Variants in GRIP1 observed in about 807,000 individuals in gnomAD.
The protein encoded by GRIP1 is glutamate receptor-interacting protein 1.
A neutral mutation model predicts 129.9 loss-of-function variants in GRIP1; 45 were observed. The observed-to-expected ratio is 0.35, with a 90% confidence interval of 0.27 to 0.44. The LOEUF is 0.44. Among genes scored for constraint, GRIP1 ranks in the 20% least tolerant of loss-of-function variants. The pLI, the probability that GRIP1 is intolerant of heterozygous loss-of-function variation, is 1.00. For missense variants in GRIP1, 1,196 were observed against 1,396.8 expected (o/e 0.86, Z 2.29); for synonymous variants, 530 against 520.8 (o/e 1.02, Z -0.24).
chr12:66,377,638 C>CTTTTTTTTTTTTTTTTTTT (rs3045282), intron 20 of GRIP1, among the ~76,000 whole-genome samples: 1 of 124,594 alleles, frequency 8.0e-6, no homozygotes, highest in African/African-American at 3.1e-5. Context: ...CGCACCCGGC[C>CTTTTTTTTTTTTTTTTTTT]TTTTTTTTTT....
chr12:66,447,022 A>G (rs528324737), intron 11 of GRIP1, among the ~76,000 whole-genome samples: 2 of 152,144 alleles, frequency 1.3e-5, no homozygotes, highest in Non-Finnish European at 2.9e-5. Flanking sequence ...TCCCCCTTAA[A>G]ATGAAAACAT....
chr12:66,361,606 G>T (rs1486698606), intron 23 of GRIP1, among the ~76,000 whole-genome samples: 1 of 152,156 alleles, frequency 6.6e-6, no homozygotes, highest in Admixed American at 6.5e-5. Context: ...CCTAGTTATT[G>T]CCAGCTCCAT....
At chr12:66,800,624 A>G (rs1046460635) in intron 1 of GRIP1, among the ~76,000 whole-genome samples, 12 of 152,194 alleles carry the variant, frequency 7.9e-5, no homozygotes, top group African/African-American at 2.9e-4. Flanking sequence ...TGTATGACAC[A>G]TGAATTAACA....
intron 7 of GRIP1, among the ~76,000 whole-genome samples, chr12:66,469,001 A>G (rs567617273): frequency 6.6e-6 from 1 of 152,344 alleles, no homozygotes; most frequent in South Asian, 2.1e-4. Flanking sequence ...GGGGATGCAA[A>G]TATGCAATTA....
intron 1 of GRIP1, among the ~76,000 whole-genome samples, chr12:66,912,543 T>C (rs1007218372): frequency 6.6e-6 from 1 of 152,152 alleles, no homozygotes; most frequent in African/African-American, 2.4e-5. Context: ...AAATACTTTT[T>C]AAGGGAAAAA....
intron 1 of GRIP1, among the ~76,000 whole-genome samples, chr12:66,798,547 C>T (rs564525009): frequency 1.3e-5 from 2 of 152,286 alleles, no homozygotes; most frequent in East Asian, 3.9e-4. Flanking sequence ...TAAATGAAAG[C>T]TGGATGTCCA....
chr12:66,429,958 C>T (rs1240292840), intron 14 of GRIP1, among the ~76,000 whole-genome samples: 1 of 152,166 alleles, frequency 6.6e-6, no homozygotes, highest in Non-Finnish European at 1.5e-5. Context: ...TGCTCTTAAT[C>T]ATTTTCTAAG....
Position 66,474,503 on chromosome 12 carries a change from A to C in GRIP1, c.725-9081T>G, listed in dbSNP as rs997143313. ...TGCCCCAAAGATACCCCTTGAGAAG[A>C]GCAACTCCAAGACACATAATTGTCA... On this transcript the variant is annotated intron_variant, in intron 7 of 24. Transcript: ENST00000359742. 5.5e-4 allele frequency among the ~76,000 whole-genome samples: 84 copies of C among 152,162 alleles called. 1 individual carries two copies. The highest frequency in any genetic ancestry group is 2.0e-3 in the African/African-American group (83 of 41,448).
At chr12:66,549,185 C>T (rs1324698213) in intron 2 of GRIP1, among the ~76,000 whole-genome samples, 15 of 152,120 alleles carry the variant, frequency 9.9e-5, no homozygotes, top group African/African-American at 3.1e-4. Flanking sequence ...CACAGGTCCT[C>T]CCTGGTAACT....
intron 11 of GRIP1, among the ~76,000 whole-genome samples, chr12:66,451,335 T>TA (rs1167356383): frequency 1.4e-5 from 2 of 141,450 alleles, no homozygotes; most frequent in Non-Finnish European, 3.0e-5. Flanking sequence ...GAGAAGCATT[T>TA]AAAAAATATA....
At chr12:66,787,163 T>A (rs1355874779) in intron 1 of GRIP1, among the ~76,000 whole-genome samples, 1 of 152,158 alleles carries the variant, frequency 6.6e-6, no homozygotes, top group African/African-American at 2.4e-5. Context: ...TTTCTGTAAG[T>A]CAACACAGTA....
At chr12:66,644,444 TCTC>T (rs2032193086) in intron 1 of GRIP1, among the ~76,000 whole-genome samples, 1 of 152,176 alleles carries the variant, frequency 6.6e-6, no homozygotes, top group South Asian at 2.1e-4. Context: ...CACAGCCTCT[TCTC>T]TGTGGATTCA....
intron 1 of GRIP1, among the ~76,000 whole-genome samples, chr12:66,853,182 C>T (rs570842799): frequency 6.6e-6 from 1 of 151,604 alleles, no homozygotes; most frequent in South Asian, 2.1e-4. Flanking sequence ...ATATGAACAC[C>T]AGGAAACGGA....
chr12:66,691,394 G>A (rs2034977582), intron 1 of GRIP1, among the ~76,000 whole-genome samples: 1 of 152,122 alleles, frequency 6.6e-6, no homozygotes, highest in South Asian at 2.1e-4. Flanking sequence ...ATAAAGCAAA[G>A]GGAAAAGTCT....
At chr12:66,632,560 A>T (rs1263189271) in intron 1 of GRIP1, among the ~76,000 whole-genome samples, 1 of 152,142 alleles carries the variant, frequency 6.6e-6, no homozygotes, top group Non-Finnish European at 1.5e-5. Flanking sequence ...ACCAAATTCC[A>T]TTCTAATGAA....
rs1565987997 is a variant in GRIP1 at position 66,723,288 on chromosome 12, CTTT to C, written c.-420+80762_-420+80764del. Among the ~76,000 whole-genome samples, 130 of 18,562 alleles carry C rather than the reference CTTT, an allele frequency of 7.0e-3. 3 individuals carry two copies. The highest frequency in any genetic ancestry group is 0.011 in the Admixed American group (12 of 1,084). The allele number at this position is 18,562 out of a possible 152,430, so 12.2% of individuals were successfully genotyped here. A position where few individuals can be genotyped will look rare whatever the true frequency, so the allele number is the denominator to read the frequency against. ...CCTTCCTTCCTTCCTTCCTTCCTTT[CTTT>C]CTTTCTTTCTTTCTTTTTTTTTTTT... On this transcript the variant is annotated intron_variant, in intron 1 of 4. Coordinates refer to the GRIP1 transcript ENST00000538373.
At chr12:66,491,787 T>C (rs1369253372) in intron 7 of GRIP1, among the ~76,000 whole-genome samples, 1 of 152,212 alleles carries the variant, frequency 6.6e-6, no homozygotes, top group Non-Finnish European at 1.5e-5. Context: ...AATGGAAAGA[T>C]GAAAATACTT....
rs145033963 is a variant in GRIP1, at chr12:66,937,059, T to C, written c.58+131991A>G. Among the ~76,000 whole-genome samples, 460 of 152,322 alleles carry C rather than the reference T, an allele frequency of 3.0e-3. 1 individual carries two copies. Among genetic ancestry groups the C allele is most frequent in the African/African-American group, 0.01 (426 of 41,572 alleles). On this transcript the variant is annotated intron_variant, in intron 1 of 1. Coordinates refer to the GRIP1 transcript ENST00000643019. ...ATCACTTTTTTCTCTGGACGATTTTTCTCTGTTGGCTTCTCATATTAGCAA... is the reference window on the plus strand; with the variant it reads ...ATCACTTTTTTCTCTGGACGATTTTCCTCTGTTGGCTTCTCATATTAGCAA...
chr12:66,632,996 C>T (rs1252320514), intron 1 of GRIP1, among the ~76,000 whole-genome samples: 3 of 151,856 alleles, frequency 2.0e-5, no homozygotes, highest in Non-Finnish European at 4.4e-5. Flanking sequence ...GTCTCTGTAG[C>T]AGATATAAGA....
Sources: allele counts gnomAD v4.1 joint callset (sites outside exome capture counted in the v4.1 genomes callset), GRCh38; gene constraint gnomAD v4.1.1; transcripts MANE v1.5; gene names NCBI Gene and HGNC (gene_info 2026-07-23, HGNC 2026-07-21).